ZFHX3: variants seen among roughly 807,000 people sequenced by gnomAD.
ZFHX3 encodes zinc finger homeobox protein 3.
A neutral mutation model predicts 279.1 loss-of-function variants in ZFHX3; 42 were observed. The ratio of observed to expected loss-of-function variants is 0.15; its 90% CI spans 0.12 to 0.19. The LOEUF is 0.19. Ranked by LOEUF, ZFHX3 falls within the 10% of genes least tolerant of loss-of-function variation. ZFHX3 has a pLI of 1.00. For missense variants in ZFHX3, 4,981 were observed against 4,754.0 expected, an observed-to-expected ratio of 1.05 and a Z score of -1.40; for synonymous variants, 2,293 against 1,957.8, an observed-to-expected ratio of 1.17 and a Z score of -4.52.
intron 1 of ZFHX3, among the ~76,000 whole-genome samples, chr16:73,023,388 T>C (rs1964379247): frequency 6.6e-6 from 1 of 152,156 alleles, no homozygotes; most frequent in African/African-American, 2.4e-5. Context: ...TGCTGTCATC[T>C]AGACACAAGG....
intron 2 of ZFHX3, among the ~76,000 whole-genome samples, chr16:73,673,799 G>A (rs992059361): frequency 2.6e-5 from 4 of 152,144 alleles, no homozygotes; most frequent in Admixed American, 2.6e-4. Context: ...CCACCTGAAT[G>A]GAGATTTAGA....
chr16:73,570,814 T>G (rs2051727065), intron 2 of ZFHX3, among the ~76,000 whole-genome samples: 1 of 152,132 alleles, frequency 6.6e-6, no homozygotes, highest in East Asian at 1.9e-4. Flanking sequence ...AGTCTAATTT[T>G]TATTATAAGA....
chr16:73,342,708 G>C (rs190095626), intron 3 of ZFHX3, among the ~76,000 whole-genome samples: 116 of 152,284 alleles, frequency 7.6e-4, no homozygotes, highest in African/African-American at 2.5e-3. Context: ...GAGGTGGGTA[G>C]GTACAGGTGG....
At chr16:73,516,122 A>T (rs1405792699) in intron 2 of ZFHX3, among the ~76,000 whole-genome samples, 3 of 152,218 alleles carry the variant, frequency 2.0e-5, no homozygotes, top group African/African-American at 7.2e-5. Context: ...CCATTCCATG[A>T]GCTATACAAA....
In ZFHX3 at chr16:73,661,972, TG is replaced by T. The variant is rs1204315875; in HGVS notation, c.-1547+18207del. Reference sequence around the variant, plus strand: ...ATAACGTAGGTCATTCTTTTTTTTTTGTTTTTTTTTTTAAGGATAGACACAA... The same window carrying T: ...ATAACGTAGGTCATTCTTTTTTTTTTTTTTTTTTTTTAAGGATAGACACAA... On this transcript the variant is annotated intron_variant, in intron 2 of 17. Coordinates refer to the ZFHX3 transcript ENST00000641206. Among the ~76,000 whole-genome samples, 115 of 144,846 alleles carry T rather than the reference TG, an allele frequency of 7.9e-4. 2 individuals carry two copies. The South Asian group carries it at 0.017, about 22-fold the overall frequency.
chr16:72,974,081 G>C (rs2144518303), intron 1 of ZFHX3, among the ~76,000 whole-genome samples: 1 of 152,310 alleles, frequency 6.6e-6, no homozygotes, highest in South Asian at 2.1e-4. Flanking sequence ...TATCATTCAA[G>C]GCTGCACAAA....
intron 1 of ZFHX3, among the ~76,000 whole-genome samples, chr16:73,759,775 T>C (rs1439950212): frequency 6.6e-6 from 1 of 152,064 alleles, no homozygotes; most frequent in South Asian, 2.1e-4. Context: ...CCTTTGAGTT[T>C]TGTGAATGAA....
intron 2 of ZFHX3, among the ~76,000 whole-genome samples, chr16:73,497,874 A>G (rs2019168466): frequency 6.6e-6 from 1 of 152,228 alleles, no homozygotes; most frequent in African/African-American, 2.4e-5. Context: ...TAGAAAACAA[A>G]AAGTTGAATA....
chr16:72,853,342 T>C (rs142810094), intron 4 of ZFHX3, among the ~76,000 whole-genome samples: 92 of 152,330 alleles, frequency 6.0e-4, no homozygotes, highest in African/African-American at 2.1e-3. Flanking sequence ...CTGTGAAGAC[T>C]CCAATAATTT....
intron 1 of ZFHX3, among the ~76,000 whole-genome samples, chr16:73,806,502 G>C (rs986431025): frequency 2.6e-5 from 4 of 152,014 alleles, no homozygotes; most frequent in Admixed American, 6.6e-5. Flanking sequence ...AAGTGGGTCA[G>C]TCCTTGTACA....
At chr16:73,040,163 A>T (rs1965059852) in intron 1 of ZFHX3, among the ~76,000 whole-genome samples, 2 of 152,144 alleles carry the variant, frequency 1.3e-5, no homozygotes, top group South Asian at 4.1e-4. Flanking sequence ...TGGCATGCCC[A>T]GTTCACCATG....
intron 7 of ZFHX3, among the ~76,000 whole-genome samples, chr16:73,099,770 G>T (rs1479057150): frequency 4.0e-5 from 6 of 151,746 alleles, no homozygotes; most frequent in Non-Finnish European, 8.8e-5. Flanking sequence ...CTCTCAGGAG[G>T]AACAGACGTG....
chr16:73,317,401 T>C (rs577842368), intron 4 of ZFHX3, among the ~76,000 whole-genome samples: 2 of 152,266 alleles, frequency 1.3e-5, no homozygotes, highest in East Asian at 3.9e-4. Context: ...GCTGGGCCCT[T>C]CCCCCACTCT....
chr16:73,667,999 T>C (rs2052862546), intron 2 of ZFHX3, among the ~76,000 whole-genome samples: 1 of 152,204 alleles, frequency 6.6e-6, no homozygotes, highest in Non-Finnish European at 1.5e-5. Flanking sequence ...CTTCATTACA[T>C]ATGCAATGGC....
At chr16:72,986,742 G>A (rs1203512245) in intron 1 of ZFHX3, among the ~76,000 whole-genome samples, 2 of 152,024 alleles carry the variant, frequency 1.3e-5, no homozygotes, top group Non-Finnish European at 1.5e-5. Context: ...CATGTTCTTC[G>A]GACCTCTTAG....
At chr16:72,998,837 A>G (rs1051999464) in intron 1 of ZFHX3, among the ~76,000 whole-genome samples, 1 of 152,252 alleles carries the variant, frequency 6.6e-6, no homozygotes, top group Non-Finnish European at 1.5e-5. Flanking sequence ...TGGAGTTAAC[A>G]GATTTTCACA....
chr16:73,402,643 T>C (rs2017279811), intron 3 of ZFHX3, among the ~76,000 whole-genome samples: 1 of 152,190 alleles, frequency 6.6e-6, no homozygotes, highest in Non-Finnish European at 1.5e-5. Flanking sequence ...GGTGGCTCAT[T>C]TTCCAGCTAT....
chr16:73,769,948 T>C (rs2053999025), intron 1 of ZFHX3, among the ~76,000 whole-genome samples: 1 of 152,242 alleles, frequency 6.6e-6, no homozygotes, highest in Non-Finnish European at 1.5e-5. Context: ...GTAGTGATAT[T>C]ACATTGTTTA....
At chr16:73,446,222 CATTGT>C (rs762293387) in intron 3 of ZFHX3, among the ~76,000 whole-genome samples, 41 of 152,130 alleles carry the variant, frequency 2.7e-4, no homozygotes, top group Non-Finnish European at 5.6e-4. Flanking sequence ...AGCTGGAGGC[CATTGT>C]ATTAGTCCTT....
Sources: gnomAD v4.1 joint callset for allele counts (sites outside exome capture counted in the v4.1 genomes callset) on GRCh38, gnomAD v4.1.1 for gene constraint, MANE v1.5 for transcripts, NCBI Gene and HGNC (gene_info 2026-07-23, HGNC 2026-07-21) for gene names.